PRSS38: variants seen among roughly 807,000 people sequenced by gnomAD.
PRSS38 encodes the protein marapsin 2.
A neutral mutation model predicts 26.8 loss-of-function variants in PRSS38; 22 were observed. The ratio of observed to expected loss-of-function variants is 0.82; its 90% CI spans 0.59 to 1.17. The LOEUF (loss-of-function observed/expected upper bound fraction) is 1.17. Ranked by LOEUF, PRSS38 falls within the 50% of genes most tolerant of loss-of-function variation. PRSS38 has a pLI of 0.00. For synonymous variants in PRSS38, 175 were observed against 172.1 expected, an observed-to-expected ratio of 1.02 and a Z score of -0.13; for missense variants, 427 against 422.7, an observed-to-expected ratio of 1.01 and a Z score of -0.09.
chr1:227,845,513 C>T (rs866996407), exon 4 of PRSS38: 7 of 1,613,104 alleles, frequency 4.3e-6, no homozygotes, highest in Non-Finnish European at 3.4e-6. Context: ...TCCCGCTGAT[C>T]CTGGAGCCCT....
intron 3 of PRSS38, among the ~76,000 whole-genome samples, chr1:227,829,245 T>C (rs1315926504): frequency 6.6e-6 from 1 of 152,160 alleles, no homozygotes; most frequent in Non-Finnish European, 1.5e-5. Context: ...TAATTTTCAT[T>C]TCCACCAGCA....
chr1:227,816,299 G>C lies in PRSS38; in HGVS notation c.311+47G>C. ...ATGGTGTGGGTAGCTGGGCCTGCACGGAGTGCCCACAGCGGCTTGGATGGA... is the reference window on the plus strand; with the variant it reads ...ATGGTGTGGGTAGCTGGGCCTGCACCGAGTGCCCACAGCGGCTTGGATGGA... On this transcript the variant is annotated intron_variant, in intron 2 of 4. Coordinates refer to ENST00000366757, the Ensembl canonical transcript of PRSS38. This position sits in a 1 kb window ranked among gnomAD's most constrained non-coding sequence, Gnocchi z 5.1. The C allele has an allele frequency of 1.3e-6, 2 of 1,575,754 alleles. No homozygotes were observed. Among genetic ancestry groups the C allele is most frequent in the Non-Finnish European group, 1.7e-6 (2 of 1,153,450 alleles).
intron 3 of PRSS38, among the ~76,000 whole-genome samples, chr1:227,828,573 G>A (rs938684732): frequency 5.9e-5 from 9 of 152,176 alleles, no homozygotes; most frequent in African/African-American, 1.9e-4. Context: ...ATTCCCCAGG[G>A]AGAGGAGCAG....
Position 227,816,023 on chromosome 1 carries a change from C to T in PRSS38, c.149-67C>T, listed in dbSNP as rs1664907134. On this transcript the variant is annotated intron_variant, in intron 1 of 4. Coordinates refer to ENST00000366757, the Ensembl canonical transcript of PRSS38. The surrounding 1 kb of genome is among the most constrained non-coding windows in gnomAD (Gnocchi z 5.1). ...TGTGTCCCCTGCCCCTCCCCCACGT[C>T]CCCTGCCTGCCCTACCTCTCCCGTG... is the stretch of plus-strand genomic sequence containing the variant. 6.5e-7 allele frequency: 1 copy of T among 1,548,034 alleles called. No individual in the cohort carries two copies. Among genetic ancestry groups the T allele is most frequent in the East Asian group, 2.3e-5 (1 of 44,054 alleles).
chr1:227,838,486 T>G (rs1665270414), intron 3 of PRSS38, among the ~76,000 whole-genome samples: 1 of 152,220 alleles, frequency 6.6e-6, no homozygotes, highest in African/African-American at 2.4e-5. Flanking sequence ...CACTTGTGTT[T>G]GGAGTCAGCC....
In PRSS38 at chr1:227,820,564, A is replaced by G. The variant is rs546977196; in HGVS notation, c.583+3084A>G. Among the ~76,000 whole-genome samples the G allele has an allele frequency of 1.1e-4, 17 of 152,162 alleles. 1 individual carries two copies. The South Asian group carries it at 2.9e-3, about 26-fold the overall frequency. On this transcript the variant is annotated intron_variant, in intron 3 of 4. Coordinates refer to ENST00000366757, the Ensembl canonical transcript of PRSS38. ...GATTGATGTTCTTATGTTGAATTAC[A>G]CTTGTATTTCTTGGATAAATCTCGC...
intron 3 of PRSS38, among the ~76,000 whole-genome samples, chr1:227,821,262 AT>A (rs990301704): frequency 9.2e-5 from 14 of 151,752 alleles, no homozygotes; most frequent in African/African-American, 3.1e-4. Flanking sequence ...CATGTATCAC[AT>A]TTTTTTAATC....
At chr1:227,831,684 C>T (rs1029360131) in intron 3 of PRSS38, among the ~76,000 whole-genome samples, 1 of 152,068 alleles carries the variant, frequency 6.6e-6, no homozygotes, top group African/African-American at 2.4e-5. Context: ...AACCTCATCT[C>T]TACTAAAAAT....
intron 3 of PRSS38, among the ~76,000 whole-genome samples, chr1:227,835,909 C>G (rs940963896): frequency 3.3e-5 from 5 of 152,124 alleles, no homozygotes; most frequent in African/African-American, 1.2e-4. Context: ...CTTTAAAATG[C>G]TTAATTTAAT....
Position 227,816,105 on chromosome 1 carries a change from G to A in PRSS38, c.164G>A (p.Ser55Asn). 6.2e-7 allele frequency: 1 copy of A among 1,613,170 alleles called. No homozygotes were observed. The highest frequency in any genetic ancestry group is 1.7e-5 in the Admixed American group (1 of 59,972). ...CTCCCTGCAGCCTGTGGTCGGCCCA[G>A]CATGGAGGGGAAAATCCTGGGCGGC... Residue 55 changes from serine to asparagine, a missense_variant, in exon 2 of 5, where the codon AGC becomes AAC. Transcript: ENST00000366757. The surrounding 1 kb of genome is among the most constrained non-coding windows in gnomAD (Gnocchi z 5.1).
chr1:227,838,737 C>T (rs1294609747), intron 3 of PRSS38, among the ~76,000 whole-genome samples: 2 of 152,136 alleles, frequency 1.3e-5, no homozygotes, highest in East Asian at 3.8e-4. Flanking sequence ...GATGTTTTGG[C>T]CATTATAATG....
chr1:227,841,304 G>C (rs1665334256), intron 3 of PRSS38, among the ~76,000 whole-genome samples: 1 of 152,250 alleles, frequency 6.6e-6, no homozygotes, highest in Non-Finnish European at 1.5e-5. Context: ...AAGACAATGA[G>C]AAACAAGCAC....
chr1:227,835,866 T>C (rs1472419531), intron 3 of PRSS38, among the ~76,000 whole-genome samples: 2 of 152,178 alleles, frequency 1.3e-5, no homozygotes, highest in African/African-American at 4.8e-5. Context: ...TTATATGGCA[T>C]TGTGAATGTA....
intron 3 of PRSS38, among the ~76,000 whole-genome samples, chr1:227,820,014 AGGAGGT>A (rs1444627437): frequency 7.0e-6 from 1 of 143,256 alleles, no homozygotes; most frequent in Non-Finnish European, 1.5e-5. Flanking sequence ...ACTTGAACCC[AGGAGGT>A]GGAGGTTGCA....
At chr1:227,828,826 C>T (rs1665111459) in intron 3 of PRSS38, among the ~76,000 whole-genome samples, 1 of 152,164 alleles carries the variant, frequency 6.6e-6, no homozygotes, top group African/African-American at 2.4e-5. Flanking sequence ...ATACAAAACT[C>T]CTGGGTCTCC....
chr1:227,817,505 T>C, intron 3 of PRSS38, 25 bp downstream of exon 3: 2 of 1,607,432 alleles, frequency 1.2e-6, no homozygotes, highest in Non-Finnish European at 1.7e-6. Context: ...CAGGGCTTTG[T>C]GGGCAGGATG....
At chr1:227,830,735 C>T (rs1665142692) in intron 3 of PRSS38, among the ~76,000 whole-genome samples, 1 of 151,798 alleles carries the variant, frequency 6.6e-6, no homozygotes, top group African/African-American at 2.4e-5. Flanking sequence ...GAACTCGTGG[C>T]CTCAGGTGAT....
At chr1:227,845,495 G>C (rs1665413604) in exon 4 of PRSS38, 1 of 1,611,900 alleles carries the variant, frequency 6.2e-7, no homozygotes, top group East Asian at 2.2e-5. Flanking sequence ...AGCTGCAGGA[G>C]ATGCAGCTCC....
chr1:227,840,156 C>T (rs1665315669), intron 3 of PRSS38, among the ~76,000 whole-genome samples: 1 of 152,150 alleles, frequency 6.6e-6, no homozygotes, highest in South Asian at 2.1e-4. Context: ...TATTTTGAGA[C>T]ACAGTCTTAG....
Sources: gnomAD v4.1 joint callset for allele counts (sites outside exome capture counted in the v4.1 genomes callset) on GRCh38, gnomAD v4.1.1 for gene constraint, Gnocchi (gnomAD v3.1) non-coding constraint, MANE v1.5 for transcripts, NCBI Gene and HGNC (gene_info 2026-07-23, HGNC 2026-07-21) for gene names.